ROS1: variants seen among roughly 807,000 people sequenced by gnomAD.
The protein encoded by ROS1 is ROS proto-oncogene 1, receptor tyrosine kinase, also known as proto-oncogene tyrosine-protein kinase ROS.
In ROS1, 263 loss-of-function variants were observed where a neutral mutation model predicts 273.5. That is an observed-to-expected ratio of 0.96 (90% CI 0.87 to 1.06). The LOEUF is 1.06. Among genes scored for constraint, ROS1 ranks in the 50% least tolerant of loss-of-function variants. ROS1 has a pLI of 0.00. For synonymous variants in ROS1, 1,008 were observed against 954.1 expected, an observed-to-expected ratio of 1.06 and a Z score of -1.04; for missense variants, 2,833 against 2,751.1, an observed-to-expected ratio of 1.03 and a Z score of -0.67.
At chr6:117,380,671 G>T (rs953973536) in intron 17 of ROS1, among the ~76,000 whole-genome samples, 5 of 151,942 alleles carry the variant, frequency 3.3e-5, no homozygotes, top group African/African-American at 1.2e-4. Context: ...TAAAATTCAG[G>T]TGTTGAGTCA....
chr6:117,363,335 C>A (rs1381453888), intron 21 of ROS1, among the ~76,000 whole-genome samples: 2 of 152,182 alleles, frequency 1.3e-5, no homozygotes, highest in African/African-American at 4.8e-5. Context: ...CCCTGTCACT[C>A]TGAAGTTCCT....
At position 117,387,812 on chromosome 6, in the gene ROS1, G is replaced by A. The variant is rs1772710525; in HGVS notation, c.1967C>T (p.Ser656Leu). ...ASSPKRPGPWSEPSVGTTLVP... is the reference protein window; with the variant it reads ...ASSPKRPGPWLEPSVGTTLVP... ...CAGGGTAGTACCCACTGAGGGCTCT[G>A]ACCAGGGGCCTGGCCTCTTTGGAGA... Residue 656 changes from serine to leucine, a missense_variant, in exon 14 of 44, where the codon TCA (serine) becomes TTA (leucine). Coordinates refer to ENST00000368507, the MANE Select transcript of ROS1 (RefSeq NM_001378902.1). The A allele has an allele frequency of 9.3e-6, 15 of 1,614,110 alleles. No homozygotes were observed. The highest frequency in any genetic ancestry group is 1.1e-5 in the Non-Finnish European group (13 of 1,180,018).
chr6:117,391,851 T>C (rs1002468763), intron 12 of ROS1, among the ~76,000 whole-genome samples: 3 of 152,138 alleles, frequency 2.0e-5, no homozygotes, highest in South Asian at 2.1e-4. Context: ...ACTAGAATAA[T>C]AAAAGTACTT....
chr6:117,300,838 C>T, intron 43 of ROS1, 136 bp downstream of exon 43: 1 of 561,410 alleles, frequency 1.8e-6, no homozygotes, highest in Non-Finnish European at 2.9e-6. Flanking sequence ...GCAATAAACA[C>T]TTAATTATGA....
Position 117,318,264 on chromosome 6 carries a change from A to G in ROS1, c.5923-12T>C, listed in dbSNP as rs1776057298. On this transcript the variant is annotated splice_polypyrimidine_tract_variant and intron_variant, in intron 37 of 43. Transcript: ENST00000368507. Reference sequence around the variant, plus strand: ...CCCTTCTTCAAAGTCTATACAACATAAAAACAAGTCAGGAATCAGTATAGC... The same window carrying G: ...CCCTTCTTCAAAGTCTATACAACATGAAAACAAGTCAGGAATCAGTATAGC... 15 of 1,606,912 alleles carry G rather than the reference A, an allele frequency of 9.3e-6. No individual in the cohort carries two copies. Among genetic ancestry groups the G allele is most frequent in the Non-Finnish European group, 1.3e-5 (15 of 1,173,928 alleles).
At chr6:117,406,786 C>T (rs7776244) in intron 5 of ROS1, among the ~76,000 whole-genome samples, 100 of 151,588 alleles carry the variant, frequency 6.6e-4, no homozygotes, top group Non-Finnish European at 9.9e-4. Context: ...GAAACAAATA[C>T]GAAATTGAAA....
chr6:117,333,849 A>G (rs1347375658), intron 32 of ROS1, among the ~76,000 whole-genome samples: 1 of 152,166 alleles, frequency 6.6e-6, no homozygotes, highest in Non-Finnish European at 1.5e-5. Context: ...ATATCTCTAA[A>G]TAATAAGAAC....
chr6:117,342,885 A>G (rs1212912763), intron 28 of ROS1, among the ~76,000 whole-genome samples: 1 of 152,196 alleles, frequency 6.6e-6, no homozygotes, highest in East Asian at 1.9e-4. Context: ...ATGTGAATAC[A>G]ATAAAATATT....
chr6:117,421,046 A>C (rs548972030), intron 1 of ROS1, among the ~76,000 whole-genome samples: 1 of 151,852 alleles, frequency 6.6e-6, no homozygotes, highest in South Asian at 2.1e-4. Flanking sequence ...TCCCAACTAT[A>C]AATGTTTTTA....
At chr6:117,424,225 A>G (rs1775971793) in intron 1 of ROS1, among the ~76,000 whole-genome samples, 1 of 152,076 alleles carries the variant, frequency 6.6e-6, no homozygotes. Flanking sequence ...TTCTGTTTCT[A>G]AAAAAATCTC....
intron 42 of ROS1, among the ~76,000 whole-genome samples, chr6:117,302,636 G>T (rs1328830240): frequency 6.6e-6 from 1 of 152,180 alleles, no homozygotes; most frequent in African/African-American, 2.4e-5. Context: ...TCCTGTTTCT[G>T]CTGTAGGCCC....
intron 31 of ROS1, among the ~76,000 whole-genome samples, chr6:117,338,837 G>T (rs1023317095): frequency 3.9e-5 from 6 of 152,028 alleles, no homozygotes; most frequent in African/African-American, 1.2e-4. Flanking sequence ...CAAGTGCAGG[G>T]GTGAAGGCTA....
chr6:117,369,360 TTAAAGAAACC>T, intron 18 of ROS1, among the ~76,000 whole-genome samples: 1 of 152,312 alleles, frequency 6.6e-6, no homozygotes, highest in Admixed American at 6.5e-5. Context: ...AGCTAGACTC[TTAAAGAAACC>T]AGCTCTCCCT....
intron 26 of ROS1, 67 bp from the exon 27 acceptor site, chr6:117,353,233 G>T: frequency 7.6e-6 from 9 of 1,179,024 alleles, no homozygotes; most frequent in Non-Finnish European, 4.6e-6. Context: ...CTCTAAAAAT[G>T]TATGAAATTT....
rs373643149 is a variant in ROS1 at position 117,365,039 on chromosome 6, G to T, written c.3103+21C>A. On this transcript the variant is annotated intron_variant, in intron 21 of 43. Coordinates refer to ENST00000368507, the MANE Select transcript of ROS1 (RefSeq NM_001378902.1). ...GAGATTCTGCTTTTTTAAGAAAAAA[G>T]ACAGATTTTAACCCCTGTACCTGTT... 3.2e-5 allele frequency: 52 copies of T among 1,603,442 alleles called. No individual in the cohort carries two copies. The South Asian group carries it at 4.3e-4, about 13-fold the overall frequency.
intron 41 of ROS1, among the ~76,000 whole-genome samples, 162 bp downstream of exon 41, chr6:117,309,919 A>G (rs1470390636): frequency 6.6e-6 from 1 of 152,130 alleles, no homozygotes; most frequent in Admixed American, 6.6e-5. Context: ...CAGGAATAGT[A>G]CCACCTTGAC....
At chr6:117,348,212 C>T (rs1222585422) in intron 27 of ROS1, among the ~76,000 whole-genome samples, 1 of 151,930 alleles carries the variant, frequency 6.6e-6, no homozygotes, top group Non-Finnish European at 1.5e-5. Context: ...CCATCTGGCC[C>T]AGGTGCTTTC....
chr6:117,321,246 C>T lies in ROS1; in HGVS notation c.5759+13G>A, dbSNP rs1464807565. ...TGCCTAGGTGCTCCATAATGATGGC[C>T]AAAGCTACATACTGTATTGCATAGC... is the stretch of plus-strand genomic sequence containing the variant. On this transcript the variant is annotated intron_variant, in intron 36 of 43. Coordinates refer to ENST00000368507, the MANE Select transcript of ROS1 (RefSeq NM_001378902.1). The T allele has an allele frequency of 6.2e-7, 1 of 1,609,308 alleles. No individual in the cohort carries two copies. Among genetic ancestry groups the T allele is most frequent in the Non-Finnish European group, 8.5e-7 (1 of 1,178,566 alleles).
At chr6:117,423,370 A>G (rs543977301) in intron 1 of ROS1, among the ~76,000 whole-genome samples, 15 of 152,344 alleles carry the variant, frequency 9.8e-5, no homozygotes, top group African/African-American at 3.6e-4. Context: ...AGCTTTTAAC[A>G]TGTTATTGTG....
Sources: allele counts gnomAD v4.1 joint callset (sites outside exome capture counted in the v4.1 genomes callset), GRCh38; gene constraint gnomAD v4.1.1; transcripts MANE v1.5; gene names NCBI Gene and HGNC (gene_info 2026-07-23, HGNC 2026-07-21).